Variants in TRPC4 observed in about 807,000 individuals in gnomAD.
TRPC4 encodes short transient receptor potential channel 4.
Under a neutral mutation model 99.4 loss-of-function variants are expected in TRPC4, and 49 were observed. The observed-to-expected ratio is 0.49, with a 90% CI of 0.39 to 0.63. TRPC4 has a LOEUF of 0.63. Ranked by LOEUF, TRPC4 falls within the 20% of genes least tolerant of loss-of-function variation. TRPC4 has a pLI of 0.00. For missense variants in TRPC4, 898 were observed against 1,152.9 expected, an observed-to-expected ratio of 0.78 and a Z score of 3.20; for synonymous variants, 454 against 425.9, an observed-to-expected ratio of 1.07 and a Z score of -0.81.
At chr13:37,763,915 A>G (rs1956290227) in intron 2 of TRPC4, among the ~76,000 whole-genome samples, 1 of 151,676 alleles carries the variant, frequency 6.6e-6, no homozygotes, top group African/African-American at 2.4e-5. Context: ...CTAACGCATG[A>G]TGAAGTTAAA....
intron 4 of TRPC4, among the ~76,000 whole-genome samples, chr13:37,688,426 T>G (rs1488631968): frequency 3.3e-5 from 5 of 152,168 alleles, no homozygotes; most frequent in Non-Finnish European, 7.4e-5. Context: ...CTGCAAGATA[T>G]ATAAAATAAT....
At chr13:37,658,529 A>G (rs1489988838) in intron 6 of TRPC4, among the ~76,000 whole-genome samples, 1 of 152,188 alleles carries the variant, frequency 6.6e-6, no homozygotes, top group Non-Finnish European at 1.5e-5. Flanking sequence ...TCTTTAGTTT[A>G]TAAGCAAAAA....
intron 3 of TRPC4, among the ~76,000 whole-genome samples, chr13:37,722,405 A>G (rs1315995636): frequency 6.6e-6 from 1 of 152,200 alleles, no homozygotes; most frequent in Non-Finnish European, 1.5e-5. Context: ...GTTAAATTGG[A>G]TGTAATCAGA....
chr13:37,696,475 AT>A lies in TRPC4; in HGVS notation c.898-4141del, dbSNP rs540415791. On this transcript the variant is annotated intron_variant, in intron 3 of 10. Transcript: ENST00000379705. ...CTTCATCTTTTCAGTTTTTCAACTT[AT>A]TTTTCTAGTTTGAAAAATTGTACCC... Among the ~76,000 whole-genome samples the A allele has an allele frequency of 4.2e-3, 643 of 152,326 alleles. 2 individuals carry two copies. The highest frequency in any genetic ancestry group is 8.0e-3 in the Non-Finnish European group (541 of 68,030).
At chr13:37,712,165 C>G (rs1954508603) in intron 3 of TRPC4, among the ~76,000 whole-genome samples, 1 of 152,084 alleles carries the variant, frequency 6.6e-6, no homozygotes, top group Admixed American at 6.6e-5. Flanking sequence ...CTCAACAGGT[C>G]TATTCCAGAA....
intron 7 of TRPC4, 52 bp from the exon 8 acceptor site, chr13:37,651,511 C>G (rs1256498919): frequency 3.3e-6 from 5 of 1,525,960 alleles, no homozygotes; most frequent in African/African-American, 2.7e-5. Context: ...TAACAAGGTA[C>G]CATAAATCTC....
At chr13:37,765,432 G>C (rs1354860121) in intron 2 of TRPC4, among the ~76,000 whole-genome samples, 1 of 151,418 alleles carries the variant, frequency 6.6e-6, no homozygotes, top group Non-Finnish European at 1.5e-5. Flanking sequence ...ATTGATTACA[G>C]TGTGATCTCT....
At chr13:37,645,579 C>T (rs1951842062) in intron 8 of TRPC4, among the ~76,000 whole-genome samples, 1 of 152,154 alleles carries the variant, frequency 6.6e-6, no homozygotes, top group South Asian at 2.1e-4. Flanking sequence ...TTCCTTAAGC[C>T]ATGCAGCTTG....
intron 1 of TRPC4, among the ~76,000 whole-genome samples, chr13:37,814,180 A>G (rs756417007): frequency 2.6e-5 from 4 of 151,790 alleles, no homozygotes; most frequent in Non-Finnish European, 4.4e-5. Flanking sequence ...GATTTCCTCA[A>G]TCTTGTAAAG....
chr13:37,643,689 C>T (rs968166367), intron 8 of TRPC4, among the ~76,000 whole-genome samples: 2 of 152,110 alleles, frequency 1.3e-5, no homozygotes, highest in African/African-American at 2.4e-5. Flanking sequence ...GGGAAATTAG[C>T]GTGGACTCTT....
At chr13:37,700,205 C>A (rs1954060458) in intron 3 of TRPC4, among the ~76,000 whole-genome samples, 1 of 152,162 alleles carries the variant, frequency 6.6e-6, no homozygotes, top group Non-Finnish European at 1.5e-5. Flanking sequence ...TAGATGCTTT[C>A]TTAAAACTTG....
At chr13:37,653,168 T>C (rs747806620) in intron 7 of TRPC4, among the ~76,000 whole-genome samples, 2 of 152,186 alleles carry the variant, frequency 1.3e-5, no homozygotes, top group Non-Finnish European at 1.5e-5. Flanking sequence ...TTATCTCTAC[T>C]ATATCATTTT....
intron 1 of TRPC4, among the ~76,000 whole-genome samples, chr13:37,850,516 T>A (rs1326695914): frequency 6.6e-6 from 1 of 152,176 alleles, no homozygotes; most frequent in Non-Finnish European, 1.5e-5. Flanking sequence ...TTCTAAAACA[T>A]TTTTGTTTTG....
chr13:37,668,630 G>T (rs932298928), intron 5 of TRPC4, among the ~76,000 whole-genome samples: 2 of 152,086 alleles, frequency 1.3e-5, no homozygotes, highest in African/African-American at 4.8e-5. Context: ...CATAATATTG[G>T]ATCAGAAGTT....
At chr13:37,717,108 T>A (rs559711000) in intron 3 of TRPC4, among the ~76,000 whole-genome samples, 1 of 152,278 alleles carries the variant, frequency 6.6e-6, no homozygotes, top group African/African-American at 2.4e-5. Flanking sequence ...CAATACTTCA[T>A]ATTCACAACA....
chr13:37,727,992 C>A (rs1008385963), intron 3 of TRPC4, among the ~76,000 whole-genome samples: 6 of 151,912 alleles, frequency 3.9e-5, no homozygotes, highest in African/African-American at 1.2e-4. Context: ...AAATTCAATA[C>A]CCTTTCATGA....
intron 1 of TRPC4, among the ~76,000 whole-genome samples, chr13:37,797,435 T>C (rs1428871578): frequency 6.6e-6 from 1 of 152,200 alleles, no homozygotes; most frequent in East Asian, 1.9e-4. Flanking sequence ...AGTGGGATTG[T>C]TCTACATGAC....
intron 2 of TRPC4, among the ~76,000 whole-genome samples, chr13:37,761,118 T>C (rs920140931): frequency 1.4e-4 from 21 of 151,920 alleles, no homozygotes; most frequent in African/African-American, 5.1e-4. Flanking sequence ...TTCAATTAAT[T>C]GATGTTGTAA....
chr13:37,841,055 C>A (rs577668390), intron 1 of TRPC4, among the ~76,000 whole-genome samples: 7 of 151,968 alleles, frequency 4.6e-5, no homozygotes, highest in African/African-American at 1.7e-4. Context: ...CTGATGCATT[C>A]TCAATACTTT....
Sources: gnomAD v4.1 joint callset for allele counts (sites outside exome capture counted in the v4.1 genomes callset) on GRCh38, gnomAD v4.1.1 for gene constraint, MANE v1.5 for transcripts, NCBI Gene and HGNC (gene_info 2026-07-23, HGNC 2026-07-21) for gene names.